Variants in CWF19L2 observed in about 807,000 individuals in gnomAD.
The protein encoded by CWF19L2 is CWF19 like cell cycle control factor 2.
A neutral mutation model predicts 111.7 loss-of-function variants in CWF19L2; 98 were observed. The observed-to-expected ratio is 0.88, with a 90% CI of 0.75 to 1.04. The LOEUF (loss-of-function observed/expected upper bound fraction) is 1.04. CWF19L2 is among the 50% of genes least tolerant of loss of function. The probability of loss-of-function intolerance (pLI) is 0.00; values close to 1 mark genes in which losing one functional copy is unlikely to be tolerated. For synonymous variants in CWF19L2, 351 were observed against 342.9 expected, an observed-to-expected ratio of 1.02 and a Z score of -0.26; for missense variants, 1,101 against 1,051.4, an observed-to-expected ratio of 1.05 and a Z score of -0.65.
chr11:107,353,227 G>A (rs1441594620), intron 13 of CWF19L2, among the ~76,000 whole-genome samples: 1 of 152,098 alleles, frequency 6.6e-6, no homozygotes, highest in Non-Finnish European at 1.5e-5. Flanking sequence ...TTTCCCCAGT[G>A]ACTAATTAGG....
chr11:107,406,069 T>C (rs949397774), intron 10 of CWF19L2, among the ~76,000 whole-genome samples: 1 of 152,150 alleles, frequency 6.6e-6, no homozygotes, highest in African/African-American at 2.4e-5. Flanking sequence ...ATTGTTATTA[T>C]TTGGTATAGC....
rs534755319 is a variant in CWF19L2 at position 107,450,107 on chromosome 11, A to G, written c.339+4343T>C. Among the ~76,000 whole-genome samples the G allele has an allele frequency of 3.3e-5, 5 of 152,114 alleles. No individual in the cohort carries two copies. In the South Asian group the frequency reaches 1.0e-3, roughly 32 times the overall value. On this transcript the variant is annotated intron_variant, in intron 3 of 17. Transcript: ENST00000282251. ...GTGTGAGACTCCATCTCAAGAAAAA[A>G]AAAAAAAAGGAAGAGGCCAGATGCA... is the stretch of plus-strand genomic sequence containing the variant.
At chr11:107,424,183 CT>C (rs11291377) in intron 8 of CWF19L2, among the ~76,000 whole-genome samples, 38,250 of 145,582 alleles carry the variant, frequency 0.26, 5,038 homozygotes, top group Middle Eastern at 0.33. Context: ...ACATTTCCCT[CT>C]TTTTTTTTTT....
At chr11:107,413,892 G>C (rs1274511725) in intron 10 of CWF19L2, among the ~76,000 whole-genome samples, 5 of 152,138 alleles carry the variant, frequency 3.3e-5, no homozygotes, top group Admixed American at 6.5e-5. Flanking sequence ...TTTGAGAACA[G>C]ACCTTTAAAA....
chr11:107,356,999 T>C (rs759557994), intron 12 of CWF19L2, among the ~76,000 whole-genome samples: 5 of 152,050 alleles, frequency 3.3e-5, no homozygotes, highest in Non-Finnish European at 5.9e-5. Context: ...AATCACGCCA[T>C]TGCACTCCAG....
rs1859763494 is a variant in CWF19L2 at position 107,326,561 on chromosome 11, C to T, written c.*349G>A. On this transcript the variant is annotated 3_prime_UTR_variant, in exon 18 of 18. Transcript: ENST00000282251. The stretch of plus-strand genomic sequence containing the variant: ...ACTTAACAACCATGAAGCAGACCCA[C>T]TTCCCTCTGAACCAAGGATTTCCTA... 1 of 176,778 alleles carries T rather than the reference C, an allele frequency of 5.7e-6. No homozygotes were observed. The highest frequency in any genetic ancestry group is 1.5e-4 in the East Asian group (1 of 6,890). The allele number at this position is 176,778 out of a possible 1,614,324, so 11.0% of individuals were successfully genotyped here.
In CWF19L2 at chr11:107,371,106, C is replaced by T. The variant is rs1015411825; in HGVS notation, c.1873-17370G>A. 2.4e-4 allele frequency among the ~76,000 whole-genome samples: 31 copies of T among 130,416 alleles called. 7 individuals are homozygous for T. The highest frequency in any genetic ancestry group is 8.5e-4 in the African/African-American group (27 of 31,854). 85.6% of individuals were successfully genotyped at this position (130,416 alleles called of 152,430 possible). A position where few individuals can be genotyped will look rare whatever the true frequency, so the allele number is the denominator to read the frequency against. ...TCGGCTCACTGCAAGCTCTGCCTCC[C>T]GGGTTCTCCTGCCTCATCCTCCTGA... On this transcript the variant is annotated intron_variant, in intron 12 of 17. Coordinates refer to ENST00000282251, the MANE Select transcript of CWF19L2 (RefSeq NM_152434.3).
chr11:107,418,352 A>T (rs1339164252), intron 8 of CWF19L2, 65 bp from the exon 9 acceptor site: 5 of 1,009,024 alleles, frequency 5.0e-6, no homozygotes, highest in Non-Finnish European at 7.9e-6. Flanking sequence ...TAACATCAAG[A>T]CTCAAATGTT....
At position 107,370,338 on chromosome 11, in the gene CWF19L2, T is replaced by C. The variant is rs190584120; in HGVS notation, c.1873-16602A>G. On this transcript the variant is annotated intron_variant, in intron 12 of 17. Transcript: ENST00000282251. Reference sequence around the variant, plus strand: ...AGGGGAGTAAGACAAGACCCACCAATGGAATTCCATAAAATCATATTAAAA... The same window carrying C: ...AGGGGAGTAAGACAAGACCCACCAACGGAATTCCATAAAATCATATTAAAA... Among the ~76,000 whole-genome samples, 2 of 137,160 alleles carry C rather than the reference T, an allele frequency of 1.5e-5. 1 individual carries two copies. Among genetic ancestry groups the C allele is most frequent in the Non-Finnish European group, 3.1e-5 (2 of 64,036 alleles). The allele number at this position is 137,160 out of a possible 152,430, so 90.0% of individuals were successfully genotyped here. A position where few individuals can be genotyped will look rare whatever the true frequency, so the allele number is the denominator to read the frequency against.
intron 8 of CWF19L2, among the ~76,000 whole-genome samples, chr11:107,418,490 G>A (rs543822974): frequency 2.6e-5 from 4 of 152,158 alleles, no homozygotes; most frequent in African/African-American, 9.6e-5. Context: ...ACCACCTATG[G>A]CAGTTATAAT....
chr11:107,378,132 G>T (rs1860622680), intron 12 of CWF19L2, among the ~76,000 whole-genome samples: 1 of 150,236 alleles, frequency 6.7e-6, no homozygotes, highest in South Asian at 2.1e-4. Context: ...TGCTGGAGAG[G>T]ATGTGGAGAA....
intron 12 of CWF19L2, among the ~76,000 whole-genome samples, chr11:107,375,298 C>T (rs1184684744): frequency 7.4e-6 from 1 of 135,404 alleles, no homozygotes; most frequent in East Asian, 2.2e-4. Flanking sequence ...AACTCTCCAC[C>T]CCAAATCAAC....
chr11:107,396,712 G>A (rs1376753481), intron 10 of CWF19L2, among the ~76,000 whole-genome samples: 1 of 152,072 alleles, frequency 6.6e-6, no homozygotes, highest in East Asian at 1.9e-4. Flanking sequence ...CAGCATGCAG[G>A]GGCTTGCATT....
chr11:107,396,057 G>A (rs759722874), intron 10 of CWF19L2, among the ~76,000 whole-genome samples: 36 of 152,082 alleles, frequency 2.4e-4, no homozygotes, highest in East Asian at 1.9e-4. Context: ...CTGCCAATAC[G>A]TAAGACCCCA....
intron 10 of CWF19L2, 130 bp from the exon 11 acceptor site, chr11:107,393,025 G>A (rs1445367548): frequency 3.5e-6 from 2 of 577,106 alleles, no homozygotes; most frequent in Non-Finnish European, 5.8e-6. Context: ...TAAATCTCCT[G>A]GATTTTCATT....
At chr11:107,420,413 C>T (rs1226320606) in intron 8 of CWF19L2, among the ~76,000 whole-genome samples, 1 of 151,990 alleles carries the variant, frequency 6.6e-6, no homozygotes, top group African/African-American at 2.4e-5. Flanking sequence ...ACAATATTAC[C>T]AGGGACAAAG....
chr11:107,341,542 T>C (rs1412362651), intron 14 of CWF19L2, among the ~76,000 whole-genome samples: 1 of 152,166 alleles, frequency 6.6e-6, no homozygotes, highest in Non-Finnish European at 1.5e-5. Context: ...TATTGAGTTG[T>C]AGCTATTTTA....
At chr11:107,432,529 G>C (rs1329268228) in intron 7 of CWF19L2, among the ~76,000 whole-genome samples, 1 of 152,246 alleles carries the variant, frequency 6.6e-6, no homozygotes, top group Non-Finnish European at 1.5e-5. Flanking sequence ...GTTGCAGTGA[G>C]CTGAGATCGT....
intron 10 of CWF19L2, among the ~76,000 whole-genome samples, chr11:107,401,032 C>A (rs1488347313): frequency 1.3e-5 from 2 of 152,138 alleles, no homozygotes; most frequent in Admixed American, 1.3e-4. Flanking sequence ...ATTATTAAAA[C>A]TCTCAGCAAA....
Sources: gnomAD v4.1 joint callset for allele counts (sites outside exome capture counted in the v4.1 genomes callset) on GRCh38, gnomAD v4.1.1 for gene constraint, MANE v1.5 for transcripts, NCBI Gene and HGNC (gene_info 2026-07-23, HGNC 2026-07-21) for gene names.